The following DIPK1C variants were observed in gnomAD, a reference collection of about 807,000 sequenced individuals.
The protein encoded by DIPK1C is divergent protein kinase domain 1C, also known as familial non-conventional Alzheimer's dementia.
Under a neutral mutation model 28.0 loss-of-function variants are expected in DIPK1C, and 33 were observed. That is an observed-to-expected ratio of 1.18 (90% CI 0.89 to 1.58). The LOEUF (loss-of-function observed/expected upper bound fraction) is 1.58. Among genes scored for constraint, DIPK1C ranks in the 40% most tolerant of loss-of-function variants. The probability of loss-of-function intolerance (pLI) is 0.00; values close to 1 mark genes in which losing one functional copy is unlikely to be tolerated. For synonymous variants in DIPK1C, 255 were observed against 248.8 expected (o/e 1.02, Z -0.23); for missense variants, 569 against 568.5 (o/e 1.00, Z -0.01).
chr18:74,441,361 AGAAG>A (rs1986119913), intron 3 of DIPK1C, among the ~76,000 whole-genome samples: 1 of 152,164 alleles, frequency 6.6e-6, no homozygotes, highest in Non-Finnish European at 1.5e-5. Flanking sequence ...AAGTGAGGGC[AGAAG>A]GAGACAGCTT....
At chr18:74,448,082 C>T (rs1986314248) in intron 1 of DIPK1C, among the ~76,000 whole-genome samples, 1 of 152,172 alleles carries the variant, frequency 6.6e-6, no homozygotes, top group South Asian at 2.1e-4. Context: ...CGACCTTCCC[C>T]ACCACACCAC....
chr18:74,448,101 T>C (rs1986314885), intron 1 of DIPK1C, among the ~76,000 whole-genome samples: 1 of 152,056 alleles, frequency 6.6e-6, no homozygotes, highest in Non-Finnish European at 1.5e-5. Context: ...ACAAATTCCC[T>C]GAGAAGCCCG....
upstream of DIPK1C, among the ~76,000 whole-genome samples, chr18:74,458,567 C>T (rs562495370): frequency 1.0e-3 from 54 of 52,326 alleles, no homozygotes; most frequent in African/African-American, 4.6e-3. Context: ...GCACTTCGGG[C>T]ACATCACAAA....
At chr18:74,459,262 A>G (rs1986581754), upstream of DIPK1C, among the ~76,000 whole-genome samples, 1 of 152,256 alleles carries the variant, frequency 6.6e-6, no homozygotes, top group Admixed American at 6.5e-5. Flanking sequence ...CAGGGGGGAA[A>G]GCAGAACTTG....
chr18:74,439,653 A>C (rs1402122544), intron 3 of DIPK1C, among the ~76,000 whole-genome samples: 2 of 152,040 alleles, frequency 1.3e-5, no homozygotes, highest in Non-Finnish European at 2.9e-5. Flanking sequence ...ATGTCTCTGC[A>C]AAAAATAAAT....
intron 1 of DIPK1C, 30 bp downstream of exon 1, chr18:74,457,032 G>A (rs1247516738): frequency 7.2e-7 from 1 of 1,395,384 alleles, no homozygotes; most frequent in African/African-American, 1.5e-5. Flanking sequence ...CCGGACGCGC[G>A]GCGCGGGGCA....
rs1985965394 is a variant in DIPK1C, at chr18:74,435,404, TTGGGATCACCAC to T, written c.*1085_*1096del. On this transcript the variant is annotated 3_prime_UTR_variant, in exon 4 of 4. Coordinates refer to ENST00000343998, the MANE Select transcript of DIPK1C (RefSeq NM_001044369.3). Reference sequence around the variant, plus strand: ...CCTGTATTTTGCTGGAAAAGCCTCCTTGGGATCACCACTGATGAGCGTATCATGCCACCATAG... The same window carrying T: ...CCTGTATTTTGCTGGAAAAGCCTCCTTGATGAGCGTATCATGCCACCATAG... 6.6e-6 allele frequency: 1 copy of T among 152,234 alleles called. No individual in the cohort carries two copies. The highest frequency in any genetic ancestry group is 2.4e-5 in the African/African-American group (1 of 41,448). The allele number at this position is 152,234 out of a possible 1,614,324, so 9.4% of individuals were successfully genotyped here. A position where few individuals can be genotyped will look rare whatever the true frequency, so the allele number is the denominator to read the frequency against.
upstream of DIPK1C, among the ~76,000 whole-genome samples, chr18:74,462,218 G>T (rs772374601): frequency 3.9e-4 from 59 of 152,182 alleles, no homozygotes; most frequent in Non-Finnish European, 6.5e-4. Context: ...TATCATCCAG[G>T]AAGCTCCCTC....
At position 74,436,129 on chromosome 18, in the gene DIPK1C, C is replaced by G; in HGVS notation, c.*372G>C. On this transcript the variant is annotated 3_prime_UTR_variant, in exon 4 of 4. Transcript: ENST00000343998. ...CATACACATCATTTGTATGCACACA[C>G]GCACACTTTTTAACGTGGTAACGAT... 1.9e-5 allele frequency: 5 copies of G among 262,568 alleles called. No individual in the cohort carries two copies. In the South Asian group the frequency reaches 2.9e-4, roughly 15 times the overall value. The allele number at this position is 262,568 out of a possible 1,614,324, so 16.3% of individuals were successfully genotyped here.
chr18:74,461,925 GA>G (rs912096200), upstream of DIPK1C, among the ~76,000 whole-genome samples: 17 of 148,522 alleles, frequency 1.1e-4, no homozygotes, highest in East Asian at 2.4e-3. Context: ...CCAGCTAATT[GA>G]AAAAAAAACT....
At position 74,435,844 on chromosome 18, in the gene DIPK1C, C is replaced by T. The variant is rs1254570838; in HGVS notation, c.*657G>A. On this transcript the variant is annotated 3_prime_UTR_variant, in exon 4 of 4. Transcript: ENST00000343998. ...AGAAAGCACCACTCCCCACCCTAAC[C>T]CACATCCCCAACACACTCACCTGCC... is the stretch of plus-strand genomic sequence containing the variant. 1 of 152,512 alleles carries T rather than the reference C, an allele frequency of 6.6e-6. No individual in the cohort carries two copies. The highest frequency in any genetic ancestry group is 1.5e-5 in the Non-Finnish European group (1 of 68,090). 9.4% of individuals were successfully genotyped at this position (152,512 alleles called of 1,614,324 possible).
At chr18:74,452,403 T>TAA (rs33910041) in intron 1 of DIPK1C, among the ~76,000 whole-genome samples, 1 of 151,054 alleles carries the variant, frequency 6.6e-6, no homozygotes, top group East Asian at 1.9e-4. Flanking sequence ...TCCAGCCTTT[T>TAA]AAAAAAAAAC....
At chr18:74,446,458 G>T in intron 2 of DIPK1C, 148 bp downstream of exon 2, 1 of 654,188 alleles carries the variant, frequency 1.5e-6, no homozygotes. Context: ...GGAAGGAAGT[G>T]TTCTGGTAGG....
upstream of DIPK1C, among the ~76,000 whole-genome samples, chr18:74,461,535 T>A (rs1292257873): frequency 3.3e-5 from 5 of 152,018 alleles, no homozygotes; most frequent in Non-Finnish European, 5.9e-5. Flanking sequence ...AATAATTTTT[T>A]AAAATTTTAT....
chr18:74,455,305 TA>T (rs1413699486), intron 1 of DIPK1C, among the ~76,000 whole-genome samples: 1 of 152,228 alleles, frequency 6.6e-6, no homozygotes, highest in African/African-American at 2.4e-5. Context: ...TTTTCTATCT[TA>T]ATCTAAAGGA....
intron 2 of DIPK1C, among the ~76,000 whole-genome samples, chr18:74,443,711 C>A (rs982934239): frequency 2.0e-5 from 3 of 152,156 alleles, no homozygotes; most frequent in Non-Finnish European, 4.4e-5. Flanking sequence ...TCTTTCCTAT[C>A]CCATTATTTA....
chr18:74,461,101 G>C (rs1986609652), upstream of DIPK1C, among the ~76,000 whole-genome samples: 6 of 152,326 alleles, frequency 3.9e-5, no homozygotes, highest in South Asian at 1.2e-3. Flanking sequence ...ACTCGGGTGA[G>C]AGCCATAGCA....
At chr18:74,457,955 T>TGCAGATC (rs1192166530), upstream of DIPK1C, 1 of 152,428 alleles carries the variant, frequency 6.6e-6, no homozygotes, top group East Asian at 1.9e-4. Flanking sequence ...TTCTCAGGGC[T>TGCAGATC]GCAAAGATCT....
rs1318970280 is a variant in DIPK1C at position 74,447,711 on chromosome 18, TCAGCAGAGGGGACCC to T, written c.199-443_199-429del. ...CACATCTAAGCAGCTAGGTCAGGTC[TCAGCAGAGGGGACCC>T]CAGGAGCCCTATCTGCCCCCAGGCT... On this transcript the variant is annotated intron_variant, in intron 1 of 3. Coordinates refer to ENST00000343998, the MANE Select transcript of DIPK1C (RefSeq NM_001044369.3). The surrounding 1 kb of genome is among the most constrained non-coding windows in gnomAD (Gnocchi z 4.1). Among the ~76,000 whole-genome samples, 7 of 152,162 alleles carry T rather than the reference TCAGCAGAGGGGACCC, an allele frequency of 4.6e-5. No individual in the cohort carries two copies. The highest frequency in any genetic ancestry group is 7.4e-5 in the Non-Finnish European group (5 of 68,022).
Sources: allele counts gnomAD v4.1 joint callset (sites outside exome capture counted in the v4.1 genomes callset), GRCh38; gene constraint gnomAD v4.1.1; non-coding constraint Gnocchi (gnomAD v3.1); transcripts MANE v1.5; gene names NCBI Gene and HGNC (gene_info 2026-07-23, HGNC 2026-07-21).